The following DOK6 variants were observed in gnomAD, a reference collection of about 807,000 sequenced individuals.
The protein encoded by DOK6 is downstream of tyrosine kinase 6.
Under a neutral mutation model 44.0 loss-of-function variants are expected in DOK6, and 22 were observed. That is an observed-to-expected ratio of 0.50 (90% CI 0.36 to 0.71). The LOEUF (loss-of-function observed/expected upper bound fraction) is 0.71, where lower values mean the gene tolerates loss of function less well. DOK6 is among the 30% of genes least tolerant of loss of function. The pLI, the probability that DOK6 is intolerant of heterozygous loss-of-function variation, is 0.00. For missense variants in DOK6, 340 were observed against 416.4 expected (o/e 0.82, Z 1.60); for synonymous variants, 166 against 145.5 (o/e 1.14, Z -1.01).
intron 1 of DOK6, among the ~76,000 whole-genome samples, chr18:69,477,053 A>G (rs1476334331): frequency 6.6e-6 from 1 of 152,208 alleles, no homozygotes; most frequent in African/African-American, 2.4e-5. Flanking sequence ...TATTTATAAA[A>G]TATGCTACTT....
intron 2 of DOK6, among the ~76,000 whole-genome samples, chr18:69,584,768 T>C (rs1983460605): frequency 6.6e-6 from 1 of 151,524 alleles, no homozygotes; most frequent in Admixed American, 6.6e-5. Context: ...ATTGTTTTAC[T>C]CAAGTTTTCT....
At chr18:69,808,734 A>G (rs888240843) in intron 7 of DOK6, among the ~76,000 whole-genome samples, 9 of 151,918 alleles carry the variant, frequency 5.9e-5, no homozygotes, top group African/African-American at 1.9e-4. Flanking sequence ...TCCAGACTGA[A>G]TCATGAAGAA....
intron 1 of DOK6, among the ~76,000 whole-genome samples, chr18:69,509,735 AAAT>A (rs1363009499): frequency 6.6e-6 from 1 of 151,828 alleles, no homozygotes; most frequent in Non-Finnish European, 1.5e-5. Context: ...ACACTTTCCC[AAAT>A]AAATTGTTCA....
Position 69,846,809 on chromosome 18 carries a change from G to C in DOK6, c.*5426G>C, listed in dbSNP as rs1982354304. The stretch of plus-strand genomic sequence containing the variant: ...TTGTTGCATAATTGATAACATCAGG[G>C]CTACATTTTTTTCATGTGAGCCTCA... On this transcript the variant is annotated 3_prime_UTR_variant, in exon 8 of 8. Coordinates refer to ENST00000382713, the MANE Select transcript of DOK6 (RefSeq NM_152721.6). 2 of 151,996 alleles carry C rather than the reference G, an allele frequency of 1.3e-5. No homozygotes were observed. Among genetic ancestry groups the C allele is most frequent in the African/African-American group, 4.8e-5 (2 of 41,372 alleles). The allele number at this position is 151,996 out of a possible 1,614,324, so 9.4% of individuals were successfully genotyped here. A position where few individuals can be genotyped will look rare whatever the true frequency, so the allele number is the denominator to read the frequency against.
intron 1 of DOK6, among the ~76,000 whole-genome samples, chr18:69,510,984 C>T (rs1178933062): frequency 1.3e-5 from 2 of 152,022 alleles, no homozygotes; most frequent in East Asian, 3.8e-4. Flanking sequence ...ACAAATAATT[C>T]TGGCAACACT....
In DOK6 at chr18:69,795,602, C is replaced by T. The variant is rs145340333; in HGVS notation, c.856+37729C>T. ...TGAGAACAAGGTTCCAGTTCTCTGA[C>T]GCCTGTATTCATTTAACAAATGTTT... On this transcript the variant is annotated intron_variant, in intron 7 of 7. Coordinates refer to ENST00000382713, the MANE Select transcript of DOK6 (RefSeq NM_152721.6). Among the ~76,000 whole-genome samples the T allele has an allele frequency of 2.5e-3, 384 of 152,196 alleles. 2 individuals carry two copies. Among genetic ancestry groups the T allele is most frequent in the African/African-American group, 8.7e-3 (362 of 41,542 alleles).
chr18:69,678,689 C>G (rs1437293830), intron 4 of DOK6, among the ~76,000 whole-genome samples: 2 of 152,112 alleles, frequency 1.3e-5, no homozygotes, highest in Non-Finnish European at 1.5e-5. Context: ...ACTAGCAACT[C>G]TAAATAACAG....
chr18:69,538,563 G>T (rs1241031979), intron 1 of DOK6, among the ~76,000 whole-genome samples: 1 of 151,934 alleles, frequency 6.6e-6, no homozygotes, highest in South Asian at 2.1e-4. Context: ...TGCATTTTTG[G>T]TAGAGATAGG....
At chr18:69,717,671 A>G (rs1184764766) in intron 5 of DOK6, among the ~76,000 whole-genome samples, 1 of 152,166 alleles carries the variant, frequency 6.6e-6, no homozygotes, top group African/African-American at 2.4e-5. Flanking sequence ...GCAGGTTAGG[A>G]TTCCTTAGTT....
intron 2 of DOK6, among the ~76,000 whole-genome samples, chr18:69,597,179 T>C (rs983510162): frequency 2.0e-5 from 3 of 152,148 alleles, no homozygotes; most frequent in Non-Finnish European, 4.4e-5. Flanking sequence ...TATGTAGATA[T>C]GAGATTTCTA....
At chr18:69,634,411 T>C (rs1984756920) in intron 3 of DOK6, among the ~76,000 whole-genome samples, 1 of 152,142 alleles carries the variant, frequency 6.6e-6, no homozygotes, top group South Asian at 2.1e-4. Flanking sequence ...GTTAAAAAAA[T>C]AAGAGTTGTC....
chr18:69,670,102 T>G (rs574734401), intron 3 of DOK6, among the ~76,000 whole-genome samples: 29 of 152,340 alleles, frequency 1.9e-4, no homozygotes, highest in Non-Finnish European at 4.0e-4. Context: ...ATTTATTTAT[T>G]GTTATCAATT....
chr18:69,407,101 G>T (rs561520600), intron 1 of DOK6, among the ~76,000 whole-genome samples: 1 of 152,288 alleles, frequency 6.6e-6, no homozygotes, highest in South Asian at 2.1e-4. Flanking sequence ...AGTTTACTAT[G>T]AAGCATATAT....
chr18:69,715,113 C>T (rs1177391065), intron 5 of DOK6, among the ~76,000 whole-genome samples: 1 of 152,082 alleles, frequency 6.6e-6, no homozygotes, highest in Non-Finnish European at 1.5e-5. Flanking sequence ...GTGCTTTGAA[C>T]AAGAATATAA....
intron 1 of DOK6, among the ~76,000 whole-genome samples, chr18:69,494,889 G>A (rs1980838090): frequency 6.6e-6 from 1 of 152,112 alleles, no homozygotes; most frequent in African/African-American, 2.4e-5. Flanking sequence ...AGTTTTGCTT[G>A]GGCCCAATGG....
chr18:69,617,383 A>AAG (rs1213996264), intron 3 of DOK6, among the ~76,000 whole-genome samples: 14 of 150,970 alleles, frequency 9.3e-5, no homozygotes, highest in African/African-American at 1.5e-4. Context: ...ATAGGAGAAA[A>AAG]AGAGAGAGAG....
intron 3 of DOK6, among the ~76,000 whole-genome samples, chr18:69,606,037 C>G (rs12964681): frequency 1.3e-5 from 2 of 151,884 alleles, no homozygotes; most frequent in Admixed American, 1.3e-4. Context: ...TTTGGGAGGC[C>G]GAGGCAGGCA....
chr18:69,744,245 G>A (rs1253080858), intron 6 of DOK6, among the ~76,000 whole-genome samples: 1 of 151,922 alleles, frequency 6.6e-6, no homozygotes, highest in Admixed American at 6.6e-5. Flanking sequence ...GGGAGGCGGA[G>A]GTTGCAGTGA....
chr18:69,444,413 A>C (rs1468188935), intron 1 of DOK6, among the ~76,000 whole-genome samples: 1 of 152,134 alleles, frequency 6.6e-6, no homozygotes, highest in African/African-American at 2.4e-5. Context: ...GACTTGATTC[A>C]ATTTGTGGTT....
Sources: gnomAD v4.1 joint callset for allele counts (sites outside exome capture counted in the v4.1 genomes callset) on GRCh38, gnomAD v4.1.1 for gene constraint, MANE v1.5 for transcripts, NCBI Gene and HGNC (gene_info 2026-07-23, HGNC 2026-07-21) for gene names.